Variants in CAMSAP3 observed in about 807,000 individuals in gnomAD.
The protein encoded by CAMSAP3 is calmodulin-regulated spectrin-associated protein 3.
A neutral mutation model predicts 112.5 loss-of-function variants in CAMSAP3; 34 were observed. The ratio of observed to expected loss-of-function variants is 0.30; its 90% CI spans 0.23 to 0.40. The LOEUF (loss-of-function observed/expected upper bound fraction) is 0.40. CAMSAP3 is among the 10% of genes least tolerant of loss of function. The probability of loss-of-function intolerance (pLI) is 1.00; values close to 1 mark genes in which losing one functional copy is unlikely to be tolerated. For missense variants in CAMSAP3, 1,602 were observed against 1,770.3 expected (o/e 0.90, Z 1.71); for synonymous variants, 868 against 799.8 (o/e 1.09, Z -1.44).
intron 1 of CAMSAP3, among the ~76,000 whole-genome samples, chr19:7,596,352 G>C (rs894601789): frequency 4.6e-5 from 7 of 151,106 alleles, no homozygotes; most frequent in African/African-American, 1.5e-4. Context: ...TGCCCCGCCG[G>C]CTGCGGGAGC....
Position 7,596,126 on chromosome 19 carries a change from C to T in CAMSAP3, c.124C>T (p.Leu42=). ...GGCGGCGGCCAGCCTGGCGTGGGTG[C>T]TGCGGGCCGCGTTCGGGGGCGCAGG... ...AKAAASLAWV[L]RAAFGGAEHV... The change falls in exon 1 of 17, where the codon CTG becomes TTG. Residue 42 remains leucine (L), a synonymous_variant. Transcript: ENST00000160298. The T allele has an allele frequency of 8.8e-7, 1 of 1,141,440 alleles. No homozygotes were observed. The highest frequency in any genetic ancestry group is 1.1e-6 in the Non-Finnish European group (1 of 908,760). 70.7% of individuals were successfully genotyped at this position (1,141,440 alleles called of 1,614,324 possible). A position where few individuals can be genotyped will look rare whatever the true frequency, so the allele number is the denominator to read the frequency against.
chr19:7,599,758 C>T, intron 1 of CAMSAP3, among the ~76,000 whole-genome samples: 2 of 113,774 alleles, frequency 1.8e-5, no homozygotes, highest in Admixed American at 1.0e-4. Context: ...CAACCACGCA[C>T]TCATCCATCC....
intron 2 of CAMSAP3, 86 bp from the exon 3 acceptor site, chr19:7,606,185 A>T: frequency 6.1e-6 from 4 of 660,460 alleles, no homozygotes; most frequent in Non-Finnish European, 8.4e-6. Context: ...TCCCATCTGC[A>T]GGTTCTTCCT....
intron 2 of CAMSAP3, 77 bp from the exon 3 acceptor site, chr19:7,606,194 C>G: frequency 8.1e-7 from 1 of 1,229,878 alleles, no homozygotes; most frequent in Non-Finnish European, 1.1e-6. Flanking sequence ...CAGGTTCTTC[C>G]TTTTCCCAGG....
chr19:7,617,198 T>A lies in CAMSAP3; in HGVS notation c.3213-128T>A. ...TCCCGAAGTGCTGGGATTACAGGCA[T>A]GAGCCACGATGCCCAGCCGTGGCCC... On this transcript the variant is annotated intron_variant, in intron 14 of 16. Transcript: ENST00000160298. The surrounding 1 kb of genome is among the most constrained non-coding windows in gnomAD (Gnocchi z 7.5). The A allele has an allele frequency of 1.4e-6, 1 of 716,688 alleles. No homozygotes were observed. The highest frequency in any genetic ancestry group is 2.5e-6 in the Non-Finnish European group (1 of 400,362). The allele number at this position is 716,688 out of a possible 1,614,324, so 44.4% of individuals were successfully genotyped here.
rs1326256053 is a variant in CAMSAP3 at position 7,606,567 on chromosome 19, C to T, written c.617C>T (p.Pro206Leu). The T allele has an allele frequency of 1.8e-5, 28 of 1,529,852 alleles. No individual in the cohort carries two copies. The highest frequency in any genetic ancestry group is 2.4e-5 in the Non-Finnish European group (28 of 1,143,824). The allele number at this position is 1,529,852 out of a possible 1,614,324, so 94.8% of individuals were successfully genotyped here. A position where few individuals can be genotyped will look rare whatever the true frequency, so the allele number is the denominator to read the frequency against. ...GCAGACGGGGCGGCCCCGGCGCAGC[C>T]CTCGGTGAGGCCAGGGCATAGAACC... is the stretch of plus-strand genomic sequence containing the variant. ...APADGAAPAQ[P>L]SIRYRKDRVV... Residue 206 changes from proline to leucine, a missense_variant, in exon 4 of 17, where the codon CCC becomes CTC. Pro to Leu is a moderately conservative substitution (Grantham distance 98). Coordinates refer to ENST00000160298, the MANE Select transcript of CAMSAP3 (RefSeq NM_020902.2).
rs1568450321 is a variant in CAMSAP3, at chr19:7,617,525, C to T, written c.3326-18C>T. Reference sequence around the variant, plus strand: ...ATTCCTGCTGCCCCCCACCCCCTCCCACTGCCTCACCCTCTAGGTCCACGG... The same window carrying T: ...ATTCCTGCTGCCCCCCACCCCCTCCTACTGCCTCACCCTCTAGGTCCACGG... On this transcript the variant is annotated intron_variant, in intron 15 of 16. Coordinates refer to ENST00000160298, the MANE Select transcript of CAMSAP3 (RefSeq NM_020902.2). The surrounding 1 kb of genome is among the most constrained non-coding windows in gnomAD (Gnocchi z 7.5). 2 of 1,612,492 alleles carry T rather than the reference C, an allele frequency of 1.2e-6. No homozygotes were observed.
Position 7,617,666 on chromosome 19 carries a change from G to T in CAMSAP3, c.3444+5G>T. 2 of 1,613,970 alleles carry T rather than the reference G, an allele frequency of 1.2e-6. No individual in the cohort carries two copies. Among genetic ancestry groups the T allele is most frequent in the Non-Finnish European group, 1.7e-6 (2 of 1,179,864 alleles). ...CAGAAGAATCGCATTCTGGAGGTGAGCCCGCCCACACGTGGGAGTTGGGGG... is the reference window on the plus strand; with the variant it reads ...CAGAAGAATCGCATTCTGGAGGTGATCCCGCCCACACGTGGGAGTTGGGGG... On this transcript the variant is annotated splice_donor_5th_base_variant and intron_variant, in intron 16 of 16. Coordinates refer to ENST00000160298, the MANE Select transcript of CAMSAP3 (RefSeq NM_020902.2). The surrounding 1 kb of genome is among the most constrained non-coding windows in gnomAD (Gnocchi z 7.5).
chr19:7,604,533 C>CTCTGTCCCT, intron 1 of CAMSAP3, among the ~76,000 whole-genome samples: 1 of 152,166 alleles, frequency 6.6e-6, no homozygotes, highest in East Asian at 1.9e-4. Flanking sequence ...CTACCTCCCT[C>CTCTGTCCCT]TCTGTCCCTT....
chr19:7,607,887 CG>C lies in CAMSAP3; in HGVS notation c.622-235del. 2.8e-6 allele frequency: 3 copies of C among 1,059,200 alleles called. No homozygotes were observed. The highest frequency in any genetic ancestry group is 4.2e-6 in the Non-Finnish European group (3 of 707,886). The allele number at this position is 1,059,200 out of a possible 1,614,324, so 65.6% of individuals were successfully genotyped here. On this transcript the variant is annotated intron_variant, in intron 4 of 16. Transcript: ENST00000160298. This position sits in a 1 kb window ranked among gnomAD's most constrained non-coding sequence, Gnocchi z 4.9. ...CCCCATGGTAATGTATCCCCCGCCC[CG>C]GGGTCCCAGGAGTCCCTGTCCCCAG...
chr19:7,602,104 G>A (rs1484680031), intron 1 of CAMSAP3, among the ~76,000 whole-genome samples: 3 of 152,166 alleles, frequency 2.0e-5, no homozygotes, highest in Middle Eastern at 3.4e-3. Flanking sequence ...TATAGTATAA[G>A]GCAGTGGTTC....
chr19:7,617,275 A>T lies in CAMSAP3; in HGVS notation c.3213-51A>T, dbSNP rs1038448282. On this transcript the variant is annotated intron_variant, in intron 14 of 16. Transcript: ENST00000160298. This position sits in a 1 kb window ranked among gnomAD's most constrained non-coding sequence, Gnocchi z 7.5. ...AGGGAAGCTTCCCATCTCTGACCCC[A>T]CCTCCATCCCATCCTGACCCCACCT... 4 of 1,302,530 alleles carry T rather than the reference A, an allele frequency of 3.1e-6. No homozygotes were observed. In the East Asian group the frequency reaches 9.3e-5, roughly 30 times the overall value. The allele number at this position is 1,302,530 out of a possible 1,614,324, so 80.7% of individuals were successfully genotyped here.
chr19:7,606,755 C>T lies in CAMSAP3; in HGVS notation c.621+184C>T, dbSNP rs182755094. On this transcript the variant is annotated intron_variant, in intron 4 of 16. Transcript: ENST00000160298. ...CCCTGTGCCGGTACCCGCTGCCCTC[C>T]TCTCTGCCTCTCTGGCCTCAGTGCC... The T allele has an allele frequency of 3.5e-4, 560 of 1,613,840 alleles. 1 individual carries two copies. Among genetic ancestry groups the T allele is most frequent in the Middle Eastern group, 8.2e-4 (5 of 6,062 alleles).
intron 13 of CAMSAP3, chr19:7,616,281 C>CCTTT: frequency 2.1e-6 from 1 of 470,850 alleles, no homozygotes; most frequent in South Asian, 2.5e-5. Context: ...TGGATAGGAA[C>CCTTT]CTTTGGGAGT....
chr19:7,596,026 GC>G lies in CAMSAP3; in HGVS notation c.27del (p.Pro11ArgfsTer7). The G allele has an allele frequency of 1.7e-6, 2 of 1,209,260 alleles. No individual in the cohort carries two copies. Among genetic ancestry groups the G allele is most frequent in the South Asian group, 1.7e-5 (1 of 59,942 alleles). The allele number at this position is 1,209,260 out of a possible 1,614,324, so 74.9% of individuals were successfully genotyped here. MVEAAPPG[P>X]GPLRRTFLVP... ...CCATGGTGGAGGCGGCGCCCCCCGG[GC>G]CCGGGCCGCTGCGGAGGACCTTTCT... On this transcript the variant is annotated frameshift_variant, in exon 1 of 17. Transcript: ENST00000160298. LOFTEE classifies it high-confidence loss of function.
chr19:7,617,689 G>A lies in CAMSAP3; in HGVS notation c.3444+28G>A. ...GAGCCCGCCCACACGTGGGAGTTGG[G>A]GGCTGGTGGGTGGGTGGGTGGCCTG... On this transcript the variant is annotated intron_variant, in intron 16 of 16. Coordinates refer to ENST00000160298, the MANE Select transcript of CAMSAP3 (RefSeq NM_020902.2). The surrounding 1 kb of genome is among the most constrained non-coding windows in gnomAD (Gnocchi z 7.5). The A allele has an allele frequency of 5.6e-6, 9 of 1,613,758 alleles. No homozygotes were observed. The highest frequency in any genetic ancestry group is 7.6e-6 in the Non-Finnish European group (9 of 1,179,784).
At chr19:7,596,176 CGGGGG>C in intron 1 of CAMSAP3, 26 bp downstream of exon 1, 1 of 68,160 alleles carries the variant, frequency 1.5e-5, no homozygotes, top group Non-Finnish European at 1.8e-5. Context: ...GGACCGGGGT[CGGGGG>C]CGGCGGGCCG....
In CAMSAP3 at chr19:7,610,370, G is replaced by C; in HGVS notation, c.761-106G>C. 1 of 999,050 alleles carries C rather than the reference G, an allele frequency of 1.0e-6. No individual in the cohort carries two copies. 61.9% of individuals were successfully genotyped at this position (999,050 alleles called of 1,614,324 possible). On this transcript the variant is annotated intron_variant, in intron 5 of 16. Coordinates refer to ENST00000160298, the MANE Select transcript of CAMSAP3 (RefSeq NM_020902.2). The surrounding 1 kb of genome is among the most constrained non-coding windows in gnomAD (Gnocchi z 4.9). ...TCGAAGGGCACCTGGCAGAAGCTGG[G>C]CTCATAGGAGGTCTTCCGTGTGTGG... is the stretch of plus-strand genomic sequence containing the variant.
Position 7,611,513 on chromosome 19 carries a change from C to T in CAMSAP3, c.1124-4C>T, listed in dbSNP as rs199678043. On this transcript the variant is annotated splice_polypyrimidine_tract_variant and splice_region_variant and intron_variant, in intron 9 of 16. Coordinates refer to ENST00000160298, the MANE Select transcript of CAMSAP3 (RefSeq NM_020902.2). The surrounding 1 kb of genome is among the most constrained non-coding windows in gnomAD (Gnocchi z 6.9). The stretch of plus-strand genomic sequence containing the variant: ...CCATAGTGACCACTCATCGCCTCCC[C>T]CAGGCTCCCTGAAGTCTTCCCCGTC... 1.3e-3 allele frequency: 2,111 copies of T among 1,609,302 alleles called. 6 individuals are homozygous for T. Among genetic ancestry groups the T allele is most frequent in the South Asian group, 4.3e-3 (393 of 90,624 alleles).
Sources: gnomAD v4.1 joint callset for allele counts (sites outside exome capture counted in the v4.1 genomes callset) on GRCh38, gnomAD v4.1.1 for gene constraint, Gnocchi (gnomAD v3.1) non-coding constraint, MANE v1.5 for transcripts, NCBI Gene and HGNC (gene_info 2026-07-23, HGNC 2026-07-21) for gene names.